Variants in SPDYE10 observed in about 807,000 individuals in gnomAD.
SPDYE10 encodes the protein speedy protein E10.
chr7:73,131,909 TAG>T, the SPDYE10 span, among the ~76,000 whole-genome samples: 1 of 144,038 alleles, frequency 6.9e-6, no homozygotes, highest in Admixed American at 6.9e-5. Context: ...AGGGAAGTTC[TAG>T]AGAGGGTGAC....
At chr7:73,152,505 GA>G in the SPDYE10 span, among the ~76,000 whole-genome samples, 1 of 33,576 alleles carries the variant, frequency 3.0e-5, no homozygotes, top group Non-Finnish European at 5.0e-5. Flanking sequence ...TGCCTCAGGA[GA>G]AGGCACCACC....
At chr7:73,135,871 C>CTTTTTT in the SPDYE10 span, among the ~76,000 whole-genome samples, 1 of 37,030 alleles carries the variant, frequency 2.7e-5, no homozygotes, top group Non-Finnish European at 5.6e-5. Flanking sequence ...CGCACCCGGT[C>CTTTTTT]TTTTTTTTTT....
At chr7:73,143,086 C>T in the SPDYE10 span, among the ~76,000 whole-genome samples, 1 of 150,664 alleles carries the variant, frequency 6.6e-6, no homozygotes, top group African/African-American at 2.5e-5. Flanking sequence ...ACACCTTCTG[C>T]AGGACTTCAC....
At chr7:73,128,029 T>C in the SPDYE10 span, among the ~76,000 whole-genome samples, 6 of 146,954 alleles carry the variant, frequency 4.1e-5, no homozygotes, top group Admixed American at 2.0e-4. Flanking sequence ...ATTGCAACAT[T>C]GTTTAAAACA....
At chr7:73,143,837 TAG>T in the SPDYE10 span, among the ~76,000 whole-genome samples, 1 of 149,118 alleles carries the variant, frequency 6.7e-6, no homozygotes, top group East Asian at 2.0e-4. Context: ...GCTGAGACTG[TAG>T]ACATGCACCA....
the SPDYE10 span, among the ~76,000 whole-genome samples, chr7:73,117,044 G>A: frequency 6.6e-6 from 1 of 151,526 alleles, no homozygotes; most frequent in Non-Finnish European, 1.5e-5. Flanking sequence ...TACAGGGCAT[G>A]CCACCATTCT....
At chr7:73,127,336 A>G in the SPDYE10 span, among the ~76,000 whole-genome samples, 1 of 95,920 alleles carries the variant, frequency 1.0e-5, no homozygotes, top group Non-Finnish European at 2.2e-5. Flanking sequence ...AGATCAGCAG[A>G]GGTCAGGAGT....
chr7:73,137,637 A>AGAAG, the SPDYE10 span, among the ~76,000 whole-genome samples: 2 of 126,356 alleles, frequency 1.6e-5, no homozygotes, highest in Non-Finnish European at 3.4e-5. Flanking sequence ...AAAGAAAGAA[A>AGAAG]GAAAGGAGAA....
chr7:73,151,923 C>CA, the SPDYE10 span, among the ~76,000 whole-genome samples: 4,373 of 147,580 alleles, frequency 0.03, no homozygotes, highest in Non-Finnish European at 0.049. Context: ...TACCTTAGGC[C>CA]ATCCAGAGCA....
the SPDYE10 span, among the ~76,000 whole-genome samples, chr7:73,149,947 G>T: frequency 2.8e-5 from 1 of 36,186 alleles, no homozygotes; most frequent in Non-Finnish European, 5.5e-5. Flanking sequence ...GAGTCAATCA[G>T]TGAAAGACCA....
At chr7:73,126,669 A>AT in the SPDYE10 span, among the ~76,000 whole-genome samples, 2 of 146,470 alleles carry the variant, frequency 1.4e-5, no homozygotes, top group Non-Finnish European at 1.5e-5. Context: ...ATAAAGAGGA[A>AT]TTTTTTTTCT....
the SPDYE10 span, among the ~76,000 whole-genome samples, chr7:73,137,912 G>A: frequency 3.4e-3 from 443 of 131,734 alleles, no homozygotes; most frequent in African/African-American, 0.012. Flanking sequence ...GAGGGGAAGG[G>A]AAGGGGAAGG....
At chr7:73,139,725 C>T in the SPDYE10 span, among the ~76,000 whole-genome samples, 5 of 143,110 alleles carry the variant, frequency 3.5e-5, no homozygotes, top group South Asian at 2.3e-4. Context: ...GGCGCGATCT[C>T]GGCTCACTGC....
the SPDYE10 span, among the ~76,000 whole-genome samples, chr7:73,114,534 A>ATTTT: frequency 1.4e-3 from 186 of 134,386 alleles, no homozygotes; most frequent in African/African-American, 4.3e-3. Context: ...TTTAAGCCCT[A>ATTTT]TTTTTTTTTT....
At chr7:73,151,749 C>G in the SPDYE10 span, among the ~76,000 whole-genome samples, 1 of 75,248 alleles carries the variant, frequency 1.3e-5, no homozygotes, top group Non-Finnish European at 2.5e-5. Flanking sequence ...AACTCCCGGC[C>G]TCAAGAGATC....
the SPDYE10 span, among the ~76,000 whole-genome samples, chr7:73,114,175 A>G: frequency 0.045 from 5,800 of 127,668 alleles, 18 homozygotes; most frequent in Admixed American, 0.06. Context: ...TGGGTGACAG[A>G]GTGAGACTCT....
At chr7:73,123,765 TTC>T in the SPDYE10 span, among the ~76,000 whole-genome samples, 114 of 82,216 alleles carry the variant, frequency 1.4e-3, no homozygotes, top group South Asian at 5.9e-3. Context: ...GCCATTTCCT[TTC>T]TCTCTCTCTC....
the SPDYE10 span, among the ~76,000 whole-genome samples, chr7:73,126,455 C>A: frequency 2.4e-4 from 26 of 110,090 alleles, no homozygotes; most frequent in Admixed American, 2.5e-3. Flanking sequence ...TGCAGTGAGC[C>A]AATATTGTGC....
At chr7:73,123,778 T>TCTCTCTCCCC in the SPDYE10 span, among the ~76,000 whole-genome samples, 24 of 148,976 alleles carry the variant, frequency 1.6e-4, no homozygotes, top group African/African-American at 6.0e-4. Context: ...TCTCTCTCTC[T>TCTCTCTCCCC]CTCTCTCTCC....
Sources: gnomAD v4.1 joint callset for allele counts (sites outside exome capture counted in the v4.1 genomes callset) on GRCh38, gnomAD v4.1.1 for gene constraint, MANE v1.5 for transcripts, NCBI Gene and HGNC (gene_info 2026-07-23, HGNC 2026-07-21) for gene names.